Variants in NKAIN3 observed in about 807,000 individuals in gnomAD.
NKAIN3 encodes the protein sodium/potassium-transporting ATPase subunit beta-1-interacting protein 3.
NKAIN3 carries 25 observed loss-of-function variants against 30.2 expected under a neutral mutation model. The ratio of observed to expected loss-of-function variants is 0.83; its 90% CI spans 0.60 to 1.16. NKAIN3 has a LOEUF of 1.16. NKAIN3 is among the 50% of genes most tolerant of loss of function. The pLI is 0.00. For missense variants in NKAIN3, 225 were observed against 254.1 expected (o/e 0.89, Z 0.78); for synonymous variants, 91 against 89.6 (o/e 1.02, Z -0.09).
intron 1 of NKAIN3, among the ~76,000 whole-genome samples, chr8:62,293,833 A>C (rs1428632220): frequency 2.6e-5 from 4 of 152,202 alleles, no homozygotes; most frequent in Non-Finnish European, 5.9e-5. Context: ...CTGCCCCCAG[A>C]GGTGGAGTCT....
intron 4 of NKAIN3, among the ~76,000 whole-genome samples, chr8:62,803,156 A>G (rs1467521249): frequency 2.0e-5 from 3 of 152,144 alleles, no homozygotes; most frequent in South Asian, 4.1e-4. Flanking sequence ...CTCCCACACA[A>G]TAATAATGGG....
intron 2 of NKAIN3, among the ~76,000 whole-genome samples, chr8:62,586,274 T>C (rs1034333175): frequency 6.6e-6 from 1 of 152,218 alleles, no homozygotes; most frequent in Admixed American, 6.5e-5. Context: ...ATTCAATTGG[T>C]AAATGTCAAA....
At chr8:62,764,133 A>C (rs756823079) in intron 4 of NKAIN3, among the ~76,000 whole-genome samples, 1 of 152,190 alleles carries the variant, frequency 6.6e-6, no homozygotes, top group Non-Finnish European at 1.5e-5. Context: ...GGTTGGATTT[A>C]GATGGTTTTT....
intron 3 of NKAIN3, among the ~76,000 whole-genome samples, chr8:62,726,177 T>C (rs534113577): frequency 1.3e-5 from 2 of 152,250 alleles, no homozygotes; most frequent in Non-Finnish European, 2.9e-5. Flanking sequence ...TGATTTTGTA[T>C]GCTAATTTTA....
intron 5 of NKAIN3, among the ~76,000 whole-genome samples, chr8:62,942,247 C>CAT (rs1286758187): frequency 2.1e-5 from 3 of 141,762 alleles, no homozygotes; most frequent in East Asian, 4.1e-4. Context: ...CATATATATA[C>CAT]ATATATATAT....
intron 1 of NKAIN3, among the ~76,000 whole-genome samples, chr8:62,524,185 G>T (rs1421765383): frequency 1.3e-5 from 2 of 151,388 alleles, no homozygotes; most frequent in Non-Finnish European, 2.9e-5. Context: ...ATGGAAAAAA[G>T]AAGTAAAAAG....
rs538484888 is a variant in NKAIN3, at chr8:62,472,576, C to T, written c.55-106963C>T. On this transcript the variant is annotated intron_variant, in intron 1 of 6. Coordinates refer to ENST00000623646, the MANE Select transcript of NKAIN3 (RefSeq NM_001304533.3). ...CAGGGAGAGGAGACAGAGAAGCAGC[C>T]GGCAGGCTTTAGCTGAAGTTATCTC... Among the ~76,000 whole-genome samples the T allele has an allele frequency of 1.1e-3, 170 of 152,168 alleles. 1 individual carries two copies. Among genetic ancestry groups the T allele is most frequent in the Admixed American group, 3.2e-3 (49 of 15,268 alleles).
At chr8:62,647,944 A>G (rs1749648716) in intron 3 of NKAIN3, among the ~76,000 whole-genome samples, 1 of 152,132 alleles carries the variant, frequency 6.6e-6, no homozygotes, top group Admixed American at 6.6e-5. Flanking sequence ...GGAGATGGAA[A>G]GAACTTGATG....
chr8:62,583,340 C>T (rs1002064556), intron 2 of NKAIN3, among the ~76,000 whole-genome samples: 1 of 152,088 alleles, frequency 6.6e-6, no homozygotes, highest in African/African-American at 2.4e-5. Context: ...AGAAAAGCAT[C>T]AACAAGACCA....
At chr8:62,284,330 G>T (rs1422119564) in intron 1 of NKAIN3, among the ~76,000 whole-genome samples, 5 of 152,016 alleles carry the variant, frequency 3.3e-5, no homozygotes, top group African/African-American at 4.8e-5. Flanking sequence ...TGCTGTGCTG[G>T]TTAAAAGGGT....
chr8:62,661,247 AG>A (rs1812934587), intron 3 of NKAIN3, among the ~76,000 whole-genome samples: 1 of 151,994 alleles, frequency 6.6e-6, no homozygotes, highest in African/African-American at 2.4e-5. Context: ...CACAATCGAG[AG>A]AAGGTCTCCT....
At chr8:62,951,802 T>C (rs1461206702) in intron 5 of NKAIN3, among the ~76,000 whole-genome samples, 1 of 152,006 alleles carries the variant, frequency 6.6e-6, no homozygotes, top group African/African-American at 2.4e-5. Context: ...TTATTTATTT[T>C]ATTTTTATTA....
intron 3 of NKAIN3, among the ~76,000 whole-genome samples, chr8:62,692,277 G>C (rs1287100894): frequency 1.3e-5 from 2 of 152,218 alleles, no homozygotes; most frequent in East Asian, 1.9e-4. Context: ...CATAGATAAG[G>C]GTCCATTTTT....
At chr8:62,550,413 G>A (rs185873192) in intron 1 of NKAIN3, among the ~76,000 whole-genome samples, 3 of 152,342 alleles carry the variant, frequency 2.0e-5, no homozygotes, top group East Asian at 1.9e-4. Context: ...GCGCGTGTGC[G>A]CGTGTGTGTG....
At chr8:62,555,011 TACACACACACACACACACACACACAC>T (rs59610407) in intron 1 of NKAIN3, among the ~76,000 whole-genome samples, 17,580 of 145,012 alleles carry the variant, frequency 0.12, 1,247 homozygotes, top group African/African-American at 0.2. Flanking sequence ...GCAGAATCTA[TACACACACACACACACACACACACAC>T]ACACACACAC....
rs1202189481 is a variant in NKAIN3, at chr8:62,412,909, C to G, written c.54+163782C>G. 3.5e-3 allele frequency among the ~76,000 whole-genome samples: 344 copies of G among 97,930 alleles called. 3 individuals carry two copies. Among genetic ancestry groups the G allele is most frequent in the African/African-American group, 0.013 (321 of 23,806 alleles). 64.2% of individuals were successfully genotyped at this position (97,930 alleles called of 152,430 possible). On this transcript the variant is annotated intron_variant, in intron 1 of 6. Transcript: ENST00000623646. ...CCTGGGTGACAGACTGAGACTCCGT[C>G]AAAAAAAAAAAACAAAAAAAAAAAA...
In NKAIN3 at chr8:62,658,943, G is replaced by T. The variant is rs372943949; in HGVS notation, c.273+69149G>T. On this transcript the variant is annotated intron_variant, in intron 3 of 6. Coordinates refer to ENST00000623646, the MANE Select transcript of NKAIN3 (RefSeq NM_001304533.3). ...ATTTAAGGCCCTTAAAAATGCAGCA[G>T]TGATGAGGAGAAAAGAGTGACAAAA... is the stretch of plus-strand genomic sequence containing the variant. Among the ~76,000 whole-genome samples the T allele has an allele frequency of 5.9e-5, 9 of 152,126 alleles. No homozygotes were observed. The East Asian group carries it at 1.5e-3, about 26-fold the overall frequency.
chr8:62,377,989 G>A (rs1817148269), intron 1 of NKAIN3, among the ~76,000 whole-genome samples: 1 of 152,188 alleles, frequency 6.6e-6, no homozygotes, highest in Non-Finnish European at 1.5e-5. Flanking sequence ...AACAGGCAGA[G>A]GTTGAAACAG....
At chr8:62,320,707 T>G (rs911543767) in intron 1 of NKAIN3, among the ~76,000 whole-genome samples, 3 of 152,262 alleles carry the variant, frequency 2.0e-5, no homozygotes, top group Non-Finnish European at 2.9e-5. Context: ...GATCAGCTGT[T>G]AGTCTGATGG....
Sources: gnomAD v4.1 joint callset for allele counts (sites outside exome capture counted in the v4.1 genomes callset) on GRCh38, gnomAD v4.1.1 for gene constraint, MANE v1.5 for transcripts, NCBI Gene and HGNC (gene_info 2026-07-23, HGNC 2026-07-21) for gene names.